The following GRID2 variants were observed in gnomAD, a reference collection of about 807,000 sequenced individuals.
GRID2 encodes glutamate receptor ionotropic, delta-2.
GRID2 carries 33 observed loss-of-function variants against 114.8 expected under a neutral mutation model. The observed-to-expected ratio is 0.29, with a 90% CI of 0.22 to 0.38. The LOEUF (loss-of-function observed/expected upper bound fraction) is 0.38, where lower values mean the gene tolerates loss of function less well. Among genes scored for constraint, GRID2 ranks in the 10% least tolerant of loss-of-function variants. The pLI is 1.00. For synonymous variants in GRID2, 505 were observed against 449.9 expected (o/e 1.12, Z -1.55); for missense variants, 1,184 against 1,257.7 (o/e 0.94, Z 0.89).
At chr4:93,778,485 C>T (rs557758805), downstream of GRID2, among the ~76,000 whole-genome samples, 1 of 149,750 alleles carries the variant, frequency 6.7e-6, no homozygotes, top group Admixed American at 6.7e-5. Context: ...GAACCTTTGC[C>T]TCCTAGGCTC....
In GRID2 at chr4:92,411,248, C is replaced by T. The variant is rs564142946; in HGVS notation, c.88+106504C>T. On this transcript the variant is annotated intron_variant, in intron 1 of 15. Transcript: ENST00000282020. ...TTTCATTTGACACCTTACTTCTCCT[C>T]AAATTATTTTTACAGAATGGACCTT... is the stretch of plus-strand genomic sequence containing the variant. 7.2e-5 allele frequency among the ~76,000 whole-genome samples: 11 copies of T among 152,212 alleles called. No homozygotes were observed. The South Asian group carries it at 2.3e-3, about 32-fold the overall frequency.
intron 1 of GRID2, among the ~76,000 whole-genome samples, chr4:92,358,919 G>T (rs761068946): frequency 6.6e-6 from 1 of 151,718 alleles, no homozygotes; most frequent in Non-Finnish European, 1.5e-5. Context: ...TTATGTACTT[G>T]CATGTATCAA....
intron 2 of GRID2, among the ~76,000 whole-genome samples, chr4:92,974,924 G>A (rs1320880776): frequency 1.9e-5 from 2 of 103,746 alleles, no homozygotes; most frequent in Non-Finnish European, 4.1e-5. Flanking sequence ...TTGGGAGGCC[G>A]AGGCGGGCGG....
At chr4:93,461,245 C>T (rs1905724) in intron 11 of GRID2, among the ~76,000 whole-genome samples, 1 of 151,864 alleles carries the variant, frequency 6.6e-6, no homozygotes, top group Non-Finnish European at 1.5e-5. Context: ...AGCTGCTATT[C>T]TTCCACTTGC....
chr4:93,670,708 C>A (rs1323879837), intron 14 of GRID2, among the ~76,000 whole-genome samples: 1 of 152,112 alleles, frequency 6.6e-6, no homozygotes, highest in Non-Finnish European at 1.5e-5. Flanking sequence ...GCATTTCATC[C>A]CCTTGTTTCT....
intron 2 of GRID2, among the ~76,000 whole-genome samples, chr4:92,782,754 A>G (rs111335046): frequency 9.9e-5 from 15 of 152,134 alleles, no homozygotes; most frequent in African/African-American, 3.6e-4. Context: ...TAAAGATGAG[A>G]AAGTTGGTGT....
intron 2 of GRID2, among the ~76,000 whole-genome samples, chr4:92,829,473 C>G (rs1003151321): frequency 1.3e-5 from 2 of 152,030 alleles, no homozygotes; most frequent in African/African-American, 4.8e-5. Context: ...ATAGGAACAC[C>G]TTTACACTGT....
intron 2 of GRID2, among the ~76,000 whole-genome samples, chr4:92,681,351 C>T (rs1327936610): frequency 6.6e-6 from 1 of 152,024 alleles, no homozygotes; most frequent in African/African-American, 2.4e-5. Context: ...ATGCACTGTT[C>T]AAAACCCATA....
At chr4:93,660,834 A>G (rs1208128334) in intron 14 of GRID2, among the ~76,000 whole-genome samples, 1 of 152,132 alleles carries the variant, frequency 6.6e-6, no homozygotes, top group Admixed American at 6.5e-5. Flanking sequence ...TGCAGATAAT[A>G]CAAAGACAGG....
chr4:92,521,577 C>T (rs1040562401), intron 1 of GRID2, among the ~76,000 whole-genome samples: 3 of 151,880 alleles, frequency 2.0e-5, no homozygotes, highest in African/African-American at 7.2e-5. Flanking sequence ...TTATTGAATA[C>T]ATTCTATTTG....
At chr4:92,770,924 A>G in intron 2 of GRID2, among the ~76,000 whole-genome samples, 1 of 152,122 alleles carries the variant, frequency 6.6e-6, no homozygotes, top group East Asian at 1.9e-4. Flanking sequence ...TTTCATAAGA[A>G]TCTTTGTTAT....
chr4:92,837,995 T>A (rs980661433), intron 2 of GRID2, among the ~76,000 whole-genome samples: 4 of 152,048 alleles, frequency 2.6e-5, no homozygotes, highest in African/African-American at 9.7e-5. Flanking sequence ...ATTAAAATAA[T>A]GTTTTAAAAA....
chr4:92,624,842 A>C (rs1432752858), intron 2 of GRID2, among the ~76,000 whole-genome samples: 4 of 151,868 alleles, frequency 2.6e-5, no homozygotes, highest in African/African-American at 9.7e-5. Flanking sequence ...AAGGAAAAAA[A>C]TTTGAAGAGT....
intron 1 of GRID2, among the ~76,000 whole-genome samples, chr4:92,399,659 CTCTCTCTATA>C (rs1035733944): frequency 1.7e-4 from 24 of 139,250 alleles, no homozygotes; most frequent in African/African-American, 4.9e-4. Flanking sequence ...CTCTCTCTCT[CTCTCTCTATA>C]TATATATATA....
chr4:93,355,574 G>T (rs916625278), intron 8 of GRID2, among the ~76,000 whole-genome samples: 1 of 152,026 alleles, frequency 6.6e-6, no homozygotes, highest in African/African-American at 2.4e-5. Flanking sequence ...CATCATTTCT[G>T]CTATGTCCTC....
At chr4:93,133,153 C>T (rs1419780633) in intron 4 of GRID2, among the ~76,000 whole-genome samples, 1 of 151,922 alleles carries the variant, frequency 6.6e-6, no homozygotes, top group African/African-American at 2.4e-5. Flanking sequence ...CGTTCTCGCT[C>T]TCTCTCGGTC....
chr4:92,518,102 C>A (rs1053189359), intron 1 of GRID2, among the ~76,000 whole-genome samples: 4 of 151,744 alleles, frequency 2.6e-5, no homozygotes, highest in African/African-American at 9.7e-5. Context: ...TGTGTCTGTG[C>A]CTCCCATCTT....
intron 1 of GRID2, among the ~76,000 whole-genome samples, chr4:92,547,025 G>C (rs1038241913): frequency 2.6e-5 from 4 of 152,126 alleles, no homozygotes; most frequent in African/African-American, 9.7e-5. Context: ...CTAGAACCCA[G>C]ATCTTTTAAG....
At chr4:92,666,659 T>TTTTTTTTTTTTTTTTTTTTTTG in intron 2 of GRID2, among the ~76,000 whole-genome samples, 1 of 147,966 alleles carries the variant, frequency 6.8e-6, no homozygotes, top group African/African-American at 2.5e-5. Context: ...TGTTTTTTTT[T>TTTTTTTTTTTTTTTTTTTTTTG]TTTTTTTTTT....
Sources: gnomAD v4.1 joint callset for allele counts (sites outside exome capture counted in the v4.1 genomes callset) on GRCh38, gnomAD v4.1.1 for gene constraint, MANE v1.5 for transcripts, NCBI Gene and HGNC (gene_info 2026-07-23, HGNC 2026-07-21) for gene names.